The following PRKN variants were observed in gnomAD, a reference collection of about 807,000 sequenced individuals.
PRKN encodes the protein E3 ubiquitin-protein ligase parkin.
A neutral mutation model predicts 59.5 loss-of-function variants in PRKN; 56 were observed. That is an observed-to-expected ratio of 0.94 (90% CI 0.76 to 1.18). The LOEUF is 1.18. PRKN is among the 50% of genes most tolerant of loss of function. PRKN has a pLI of 0.00. For synonymous variants in PRKN, 250 were observed against 222.1 expected, an observed-to-expected ratio of 1.13 and a Z score of -1.12; for missense variants, 657 against 596.4, an observed-to-expected ratio of 1.10 and a Z score of -1.06.
chr6:162,707,593 C>A (rs1414137624), intron 1 of PRKN, among the ~76,000 whole-genome samples: 2 of 139,638 alleles, frequency 1.4e-5, no homozygotes, highest in Non-Finnish European at 3.1e-5. Flanking sequence ...TTTTTTTTTT[C>A]CGAGACACAG....
chr6:162,198,812 C>T (rs539703949), intron 4 of PRKN, among the ~76,000 whole-genome samples: 58 of 152,168 alleles, frequency 3.8e-4, no homozygotes, highest in African/African-American at 1.2e-3. Context: ...CTGAGGATTA[C>T]GACATGTCAG....
intron 7 of PRKN, among the ~76,000 whole-genome samples, chr6:161,757,918 CACAT>C (rs1219106126): frequency 2.4e-5 from 3 of 123,176 alleles, no homozygotes; most frequent in Non-Finnish European, 3.4e-5. Context: ...CACACACACA[CACAT>C]CTCTCTCTCT....
chr6:161,718,607 A>G (rs1787088453), intron 7 of PRKN, among the ~76,000 whole-genome samples: 1 of 151,956 alleles, frequency 6.6e-6, no homozygotes, highest in South Asian at 2.1e-4. Flanking sequence ...TAGGGTGGGC[A>G]CCCCGAGAGA....
chr6:162,623,351 G>A (rs1349224744), intron 1 of PRKN, among the ~76,000 whole-genome samples: 1 of 152,060 alleles, frequency 6.6e-6, no homozygotes, highest in Non-Finnish European at 1.5e-5. Context: ...TGAAATCAGT[G>A]ATCACTTAGA....
chr6:161,977,917 T>C (rs1781112440), intron 5 of PRKN, among the ~76,000 whole-genome samples: 1 of 152,216 alleles, frequency 6.6e-6, no homozygotes, highest in African/African-American at 2.4e-5. Flanking sequence ...AACAAGTTGG[T>C]GTCTCCCTCA....
intron 1 of PRKN, among the ~76,000 whole-genome samples, chr6:162,614,387 T>G (rs1782317689): frequency 6.6e-6 from 1 of 152,156 alleles, no homozygotes; most frequent in African/African-American, 2.4e-5. Flanking sequence ...GCCATTTTAG[T>G]GTCTCTCTAA....
chr6:161,506,967 C>T (rs1235157672), intron 9 of PRKN, among the ~76,000 whole-genome samples: 4 of 152,112 alleles, frequency 2.6e-5, no homozygotes, highest in Non-Finnish European at 5.9e-5. Flanking sequence ...CATTAAGCCT[C>T]CAGAGAAGAG....
intron 1 of PRKN, among the ~76,000 whole-genome samples, chr6:162,448,894 C>CCT (rs112625480): frequency 0.13 from 18,182 of 141,268 alleles, 1,754 homozygotes; most frequent in African/African-American, 0.28. Context: ...TCTCTCCCTT[C>CCT]CTCTCTCTCT....
chr6:162,557,613 A>G (rs962105549), intron 1 of PRKN, among the ~76,000 whole-genome samples: 12 of 152,174 alleles, frequency 7.9e-5, no homozygotes, highest in African/African-American at 2.9e-4. Context: ...GGTTCAAGTA[A>G]TTCTTATGCC....
chr6:161,648,394 G>T (rs1395552245), intron 7 of PRKN, among the ~76,000 whole-genome samples: 5 of 152,154 alleles, frequency 3.3e-5, no homozygotes, highest in Non-Finnish European at 1.5e-5. Context: ...GGGGGCAAGG[G>T]TGTGTGTCCA....
chr6:162,610,751 T>C (rs981444734), intron 1 of PRKN, among the ~76,000 whole-genome samples: 1 of 152,168 alleles, frequency 6.6e-6, no homozygotes, highest in African/African-American at 2.4e-5. Flanking sequence ...CATTTTTATT[T>C]CTAAAAGAAC....
chr6:161,859,149 A>G (rs1281071349), intron 6 of PRKN, among the ~76,000 whole-genome samples: 2 of 151,468 alleles, frequency 1.3e-5, no homozygotes, highest in African/African-American at 4.8e-5. Context: ...GATTACAGGC[A>G]TAAGCCACCA....
intron 3 of PRKN, among the ~76,000 whole-genome samples, chr6:162,208,059 TA>T (rs1005851391): frequency 1.3e-5 from 2 of 152,148 alleles, no homozygotes; most frequent in East Asian, 1.9e-4. Context: ...AGAACTAAAA[TA>T]AAAAAATGTT....
At chr6:162,150,516 G>T (rs1220297043) in intron 4 of PRKN, among the ~76,000 whole-genome samples, 1 of 152,134 alleles carries the variant, frequency 6.6e-6, no homozygotes, top group Non-Finnish European at 1.5e-5. Flanking sequence ...CATCAAAGCT[G>T]TTACTTTGAA....
At chr6:162,435,453 A>G (rs1235147014) in intron 2 of PRKN, among the ~76,000 whole-genome samples, 4 of 152,182 alleles carry the variant, frequency 2.6e-5, no homozygotes, top group Admixed American at 6.5e-5. Flanking sequence ...AAAGAAAAAT[A>G]ACATTTCTGA....
chr6:162,217,478 T>A (rs1036737523), intron 3 of PRKN, among the ~76,000 whole-genome samples: 3 of 152,136 alleles, frequency 2.0e-5, no homozygotes, highest in Non-Finnish European at 4.4e-5. Context: ...CCTCCCGGAT[T>A]CAAGCTATTC....
At position 161,740,948 on chromosome 6, in the gene PRKN, T is replaced by C. The variant is rs112144669; in HGVS notation, c.871+44824A>G. Among the ~76,000 whole-genome samples the C allele has an allele frequency of 8.3e-3, 1,264 of 152,336 alleles. 18 individuals carry two copies. The highest frequency in any genetic ancestry group is 0.029 in the African/African-American group (1,219 of 41,584). ...TGTCTCACTCCCTGGACTGAATTGA[T>C]GGTCCAGAGGCTTTAAAATACTCAC... On this transcript the variant is annotated intron_variant, in intron 7 of 11. Transcript: ENST00000366898.
chr6:161,536,797 G>C (rs972753673), intron 9 of PRKN, among the ~76,000 whole-genome samples: 3 of 152,174 alleles, frequency 2.0e-5, no homozygotes, highest in Admixed American at 6.5e-5. Flanking sequence ...GAAGTTCTGT[G>C]CTTTTCTGAG....
intron 6 of PRKN, among the ~76,000 whole-genome samples, chr6:161,946,120 A>G (rs1779765135): frequency 6.6e-6 from 1 of 152,116 alleles, no homozygotes. Context: ...ATTTTTTCCT[A>G]AAACTACAAG....
Sources: gnomAD v4.1 joint callset for allele counts (sites outside exome capture counted in the v4.1 genomes callset) on GRCh38, gnomAD v4.1.1 for gene constraint, MANE v1.5 for transcripts, NCBI Gene and HGNC (gene_info 2026-07-23, HGNC 2026-07-21) for gene names.